Variants in FAM78B observed in about 807,000 individuals in gnomAD.
FAM78B encodes the protein protein FAM78B.
FAM78B carries 10 observed loss-of-function variants against 20.0 expected under a neutral mutation model. The ratio of observed to expected loss-of-function variants is 0.50; its 90% CI spans 0.31 to 0.85. The LOEUF is 0.85. Ranked by LOEUF, FAM78B falls within the 40% of genes least tolerant of loss-of-function variation. The pLI, the probability that FAM78B is intolerant of heterozygous loss-of-function variation, is 0.05. For synonymous variants in FAM78B, 135 were observed against 132.8 expected, an observed-to-expected ratio of 1.02 and a Z score of -0.12; for missense variants, 283 against 345.0, an observed-to-expected ratio of 0.82 and a Z score of 1.42.
chr1:166,131,027 T>C (rs1654855419), intron 1 of FAM78B, among the ~76,000 whole-genome samples: 1 of 146,988 alleles, frequency 6.8e-6, no homozygotes, highest in South Asian at 2.2e-4. Flanking sequence ...TTGTTCAACA[T>C]GTTGCCCAGG....
chr1:166,133,643 T>G (rs891781490), intron 1 of FAM78B, among the ~76,000 whole-genome samples: 2 of 151,514 alleles, frequency 1.3e-5, no homozygotes, highest in Non-Finnish European at 2.9e-5. Context: ...AAATAGTGAA[T>G]CTGATTTTTG....
chr1:166,109,806 G>GTA (rs1468512049), intron 1 of FAM78B, among the ~76,000 whole-genome samples: 1 of 34,426 alleles, frequency 2.9e-5, no homozygotes, highest in South Asian at 1.2e-3. Context: ...TGATATATAT[G>GTA]TATATATGTA....
At chr1:166,130,681 T>G (rs1361478899) in intron 1 of FAM78B, among the ~76,000 whole-genome samples, 2 of 152,190 alleles carry the variant, frequency 1.3e-5, no homozygotes, top group African/African-American at 4.8e-5. Context: ...CCCTGAATAC[T>G]TATTAATTAA....
rs757855613 is a variant in FAM78B, at chr1:166,074,312, A to G, written c.264-3549T>C. On this transcript the variant is annotated intron_variant, in intron 1 of 1. Transcript: ENST00000354422. ...CCTCCTCCTATTCAATTTCCACTGT[A>G]TCGAACTACTACTCATCCTCTGAGA... Among the ~76,000 whole-genome samples, 8 of 152,234 alleles carry G rather than the reference A, an allele frequency of 5.3e-5. No individual in the cohort carries two copies. In the East Asian group the frequency reaches 1.5e-3, roughly 29 times the overall value.
intron 1 of FAM78B, among the ~76,000 whole-genome samples, chr1:166,145,305 C>T (rs1655416071): frequency 6.6e-6 from 1 of 152,238 alleles, no homozygotes; most frequent in African/African-American, 2.4e-5. Context: ...GCCTCCTAAA[C>T]ATGGTACCAA....
chr1:166,084,235 A>ACTCTCTCTCT (rs1482456707), intron 1 of FAM78B, among the ~76,000 whole-genome samples: 2 of 119,966 alleles, frequency 1.7e-5, no homozygotes, highest in African/African-American at 5.7e-5. Flanking sequence ...ACACACACAC[A>ACTCTCTCTCT]CACTCTCTCT....
intron 1 of FAM78B, among the ~76,000 whole-genome samples, chr1:166,079,384 A>G (rs1405546816): frequency 6.6e-6 from 1 of 152,168 alleles, no homozygotes; most frequent in Non-Finnish European, 1.5e-5. Flanking sequence ...AAATGTCCCT[A>G]AACATACCTC....
At position 166,120,713 on chromosome 1, in the gene FAM78B, G is replaced by A. The variant is rs12062774; in HGVS notation, c.263+45273C>T. The stretch of plus-strand genomic sequence containing the variant: ...TCCAGCAGAATCTGAAGTGAGGTGG[G>A]TGGATGAAAACAGGAGGAGCTAAGG... On this transcript the variant is annotated intron_variant, in intron 1 of 1. Coordinates refer to ENST00000354422, the MANE Select transcript of FAM78B (RefSeq NM_001017961.5). 2.5e-4 allele frequency among the ~76,000 whole-genome samples: 38 copies of A among 152,136 alleles called. No homozygotes were observed. In the East Asian group the frequency reaches 2.7e-3, roughly 11 times the overall value.
At chr1:166,104,153 GC>G (rs1347751036) in intron 1 of FAM78B, among the ~76,000 whole-genome samples, 2 of 152,102 alleles carry the variant, frequency 1.3e-5, no homozygotes, top group Admixed American at 6.6e-5. Context: ...AAATTCAACA[GC>G]CCTTCATGCT....
downstream of FAM78B, among the ~76,000 whole-genome samples, chr1:166,068,577 A>G (rs1014875903): frequency 1.3e-5 from 2 of 152,216 alleles, no homozygotes; most frequent in African/African-American, 2.4e-5. Context: ...TGAATTTTTA[A>G]TAAAAGTAAT....
intron 1 of FAM78B, among the ~76,000 whole-genome samples, chr1:166,104,198 G>A (rs969661354): frequency 1.6e-4 from 24 of 152,078 alleles, no homozygotes; most frequent in African/African-American, 5.3e-4. Flanking sequence ...TTGATGGGAC[G>A]TATCTCAAAA....
At chr1:166,081,081 C>G (rs1332052122) in intron 1 of FAM78B, 1 of 152,210 alleles carries the variant, frequency 6.6e-6, no homozygotes, top group Non-Finnish European at 1.5e-5. Flanking sequence ...TGTAAATACT[C>G]CCCCCTCCCA....
intron 1 of FAM78B, among the ~76,000 whole-genome samples, chr1:166,150,515 T>C (rs1406886462): frequency 2.0e-5 from 3 of 152,116 alleles, no homozygotes; most frequent in Non-Finnish European, 2.9e-5. Context: ...TTTGCAAAAA[T>C]AAATTCCTAG....
At position 166,144,843 on chromosome 1, in the gene FAM78B, C is replaced by A. The variant is rs556089697; in HGVS notation, c.263+21143G>T. On this transcript the variant is annotated intron_variant, in intron 1 of 1. Coordinates refer to ENST00000354422, the MANE Select transcript of FAM78B (RefSeq NM_001017961.5). ...CCCCTTTCTGTTCTTTACCATGGCA[C>A]CTCACCCAGGGGTTTTGCTGTGAAC... Among the ~76,000 whole-genome samples, 3 of 152,244 alleles carry A rather than the reference C, an allele frequency of 2.0e-5. No individual in the cohort carries two copies. The East Asian group carries it at 5.8e-4, about 29-fold the overall frequency.
chr1:166,134,540 A>ATAATAG lies in FAM78B; in HGVS notation c.263+31445_263+31446insCTATTA, dbSNP rs1553222741. On this transcript the variant is annotated intron_variant, in intron 1 of 1. Transcript: ENST00000354422. ...AGTAATAATAATAATAATAATAATA[A>ATAATAG]TAAGTATAAGGTTAAACTGACCTAA... 1.3e-4 allele frequency among the ~76,000 whole-genome samples: 19 copies of ATAATAG among 151,082 alleles called. 4 individuals are homozygous for ATAATAG. Among genetic ancestry groups the ATAATAG allele is most frequent in the African/African-American group, 3.2e-4 (13 of 41,218 alleles).
chr1:166,152,126 G>A (rs925367720), intron 1 of FAM78B, among the ~76,000 whole-genome samples: 6 of 152,160 alleles, frequency 3.9e-5, no homozygotes, highest in African/African-American at 1.2e-4. Context: ...GATGTCCACC[G>A]AGGCTATAAA....
At chr1:166,116,353 T>C (rs1654254223) in intron 1 of FAM78B, among the ~76,000 whole-genome samples, 1 of 152,220 alleles carries the variant, frequency 6.6e-6, no homozygotes, top group African/African-American at 2.4e-5. Flanking sequence ...TTGGTCACCC[T>C]GCATTGCTGT....
At chr1:166,094,629 A>C (rs749366846) in intron 1 of FAM78B, among the ~76,000 whole-genome samples, 1 of 152,174 alleles carries the variant, frequency 6.6e-6, no homozygotes, top group East Asian at 1.9e-4. Context: ...TGCCCTATAG[A>C]TGTGGAGACA....
chr1:166,074,382 C>A (rs1019917551), intron 1 of FAM78B, among the ~76,000 whole-genome samples: 1 of 152,190 alleles, frequency 6.6e-6, no homozygotes, highest in Non-Finnish European at 1.5e-5. Context: ...CTCTTCCATG[C>A]ACTCATAGAT....
Sources: allele counts gnomAD v4.1 joint callset (sites outside exome capture counted in the v4.1 genomes callset), GRCh38; gene constraint gnomAD v4.1.1; transcripts MANE v1.5; gene names NCBI Gene and HGNC (gene_info 2026-07-23, HGNC 2026-07-21).